The following OSR2 variants were observed in gnomAD, a reference collection of about 807,000 sequenced individuals.
The protein encoded by OSR2 is odd-skipped related transciption factor 2.
A neutral mutation model predicts 22.3 loss-of-function variants in OSR2; 8 were observed. That is an observed-to-expected ratio of 0.36 (90% confidence interval 0.21 to 0.65). The LOEUF is 0.65. Ranked by LOEUF, OSR2 falls within the 30% of genes least tolerant of loss-of-function variation. The pLI, the probability that OSR2 is intolerant of heterozygous loss-of-function variation, is 0.66. For missense variants in OSR2, 311 were observed against 413.4 expected (o/e 0.75, Z 2.15); for synonymous variants, 179 against 173.8 (o/e 1.03, Z -0.23).
chr8:98,950,496 T>C (rs1024896395), intron 2 of OSR2, among the ~76,000 whole-genome samples, 160 bp from the exon 3 acceptor site: 2 of 151,932 alleles, frequency 1.3e-5, no homozygotes, highest in Non-Finnish European at 2.9e-5. Context: ...TAGTTGAGAT[T>C]AACCATAAAG....
chr8:98,948,761 T>C lies in OSR2; in HGVS notation c.-114-78T>C. On this transcript the variant is annotated intron_variant, in intron 1 of 3. Transcript: ENST00000297565. The surrounding 1 kb of genome is among the most constrained non-coding windows in gnomAD (Gnocchi z 6.0). ...GGAGGGAGACTTAGGTGTGGTAACCTGCGCAGGTGCCAAAGGGCAGAAGGA... is the reference window on the plus strand; with the variant it reads ...GGAGGGAGACTTAGGTGTGGTAACCCGCGCAGGTGCCAAAGGGCAGAAGGA... 7.0e-7 allele frequency: 1 copy of C among 1,434,410 alleles called. No individual in the cohort carries two copies. The highest frequency in any genetic ancestry group is 9.2e-7 in the Non-Finnish European group (1 of 1,085,162). 88.9% of individuals were successfully genotyped at this position (1,434,410 alleles called of 1,614,324 possible).
At chr8:98,950,027 G>C (rs1041295914) in intron 2 of OSR2, among the ~76,000 whole-genome samples, 1 of 139,494 alleles carries the variant, frequency 7.2e-6, no homozygotes, top group Non-Finnish European at 1.5e-5. Flanking sequence ...AGAGCCTGCC[G>C]TGGGGACCTT....
At chr8:98,950,554 T>C in intron 2 of OSR2, 102 bp from the exon 3 acceptor site, 1 of 718,416 alleles carries the variant, frequency 1.4e-6, no homozygotes, top group South Asian at 1.9e-5. Flanking sequence ...ATGGAAATCT[T>C]GTTTCTTTTG....
chr8:98,948,479 TTGGGGAGGG>T lies in OSR2; in HGVS notation c.-114-355_-114-347del. 4.4e-6 allele frequency: 1 copy of T among 224,774 alleles called. No individual in the cohort carries two copies. Among genetic ancestry groups the T allele is most frequent in the Non-Finnish European group, 7.4e-6 (1 of 134,884 alleles). The allele number at this position is 224,774 out of a possible 1,614,324, so 13.9% of individuals were successfully genotyped here. On this transcript the variant is annotated intron_variant, in intron 1 of 3. Transcript: ENST00000297565. This position sits in a 1 kb window ranked among gnomAD's most constrained non-coding sequence, Gnocchi z 6.0. ...GTTGACTGAGCTTCGCCTAACAGGC[TTGGGGAGGG>T]TGGGCTGGGCTGGGCTGGGCTGGGC...
At position 98,949,491 on chromosome 8, in the gene OSR2, A is replaced by G. The variant is rs1299274049; in HGVS notation, c.539A>G (p.His180Arg). 3.7e-6 allele frequency: 6 copies of G among 1,613,928 alleles called. No homozygotes were observed. The highest frequency in any genetic ancestry group is 2.7e-5 in the African/African-American group (2 of 74,928). Residue 180 changes from histidine to arginine, a missense_variant, in exon 2 of 4, where the codon CAC becomes CGC. Physicochemically the swap from His to Arg is conservative, Grantham distance 29. Transcript: ENST00000297565. The surrounding 1 kb of genome is among the most constrained non-coding windows in gnomAD (Gnocchi z 5.9). ...TTTATCTGCAAGTTTTGCGGCAGAC[A>G]CTTTACCAAATCCTACAATTTGCTC... ...KEFICKFCGR[H>R]FTKSYNLLIH...
intron 2 of OSR2, among the ~76,000 whole-genome samples, chr8:98,950,147 G>C (rs1258133504): frequency 1.3e-5 from 2 of 152,252 alleles, no homozygotes; most frequent in Non-Finnish European, 2.9e-5. Context: ...ATTAATACAA[G>C]GCAATTGAAG....
Position 98,948,667 on chromosome 8 carries a change from G to A in OSR2, c.-114-172G>A. ...TCTGGCCCCGGGCTGATCTGCACGC[G>A]GACTTGAGCAGGTGCCAAGGTGCCA... On this transcript the variant is annotated intron_variant, in intron 1 of 3. Coordinates refer to ENST00000297565, the MANE Select transcript of OSR2 (RefSeq NM_001142462.3). This position sits in a 1 kb window ranked among gnomAD's most constrained non-coding sequence, Gnocchi z 6.0. The A allele has an allele frequency of 1.0e-6, 1 of 991,600 alleles. No individual in the cohort carries two copies. Among genetic ancestry groups the A allele is most frequent in the East Asian group, 2.6e-5 (1 of 37,844 alleles). 61.4% of individuals were successfully genotyped at this position (991,600 alleles called of 1,614,324 possible).
chr8:98,948,651 G>C lies in OSR2; in HGVS notation c.-114-188G>C. The C allele has an allele frequency of 1.0e-6, 1 of 961,640 alleles. No homozygotes were observed. The allele number at this position is 961,640 out of a possible 1,614,324, so 59.6% of individuals were successfully genotyped here. The stretch of plus-strand genomic sequence containing the variant: ...GTGGAGCACTTCTTGTTCTGGCCCC[G>C]GGCTGATCTGCACGCGGACTTGAGC... On this transcript the variant is annotated intron_variant, in intron 1 of 3. Transcript: ENST00000297565. The surrounding 1 kb of genome is among the most constrained non-coding windows in gnomAD (Gnocchi z 6.0).
At chr8:98,950,137 A>G (rs1840739411) in intron 2 of OSR2, among the ~76,000 whole-genome samples, 1 of 152,170 alleles carries the variant, frequency 6.6e-6, no homozygotes, top group Non-Finnish European at 1.5e-5. Context: ...TAAACTCTGC[A>G]TTAATACAAG....
In OSR2 at chr8:98,951,533, A is replaced by T. The variant is rs1174256688; in HGVS notation, c.771A>T (p.Lys257Asn). Residue 257 changes from lysine to asparagine, a missense_variant, in exon 4 of 4, where the codon AAA becomes AAT. Physicochemically the swap from Lys to Asn is moderately conservative, Grantham distance 94 (BLOSUM62 0). Transcript: ENST00000297565. ...KTLHMQESPH[K>N]CPTCGRTFNQ... ...CATCTGAACAGGAATCTCCACACAA[A>T]TGTCCCACATGTGGAAGAACCTTTA... 6.3e-7 allele frequency: 1 copy of T among 1,591,566 alleles called. No homozygotes were observed. Among genetic ancestry groups the T allele is most frequent in the African/African-American group, 1.3e-5 (1 of 74,472 alleles).
At chr8:98,950,801 C>T in intron 3 of OSR2, 46 bp downstream of exon 3, 1 of 1,272,604 alleles carries the variant, frequency 7.9e-7, no homozygotes, top group South Asian at 1.2e-5. Context: ...TTCGTGTTAT[C>T]ATTACTGCTT....
In OSR2 at chr8:98,948,528, C is replaced by T; in HGVS notation, c.-114-311C>T. The T allele has an allele frequency of 7.4e-6, 10 of 1,354,206 alleles. 1 individual carries two copies. The South Asian group carries it at 1.6e-4, about 21-fold the overall frequency. The allele number at this position is 1,354,206 out of a possible 1,614,324, so 83.9% of individuals were successfully genotyped here. A position where few individuals can be genotyped will look rare whatever the true frequency, so the allele number is the denominator to read the frequency against. ...CTGGGCTGGGCTGGGTGCTGCCCGGCTGTCCGCCTTTCGTTTTCCTGGGAC... is the reference window on the plus strand; with the variant it reads ...CTGGGCTGGGCTGGGTGCTGCCCGGTTGTCCGCCTTTCGTTTTCCTGGGAC... On this transcript the variant is annotated intron_variant, in intron 1 of 3. Transcript: ENST00000297565. The surrounding 1 kb of genome is among the most constrained non-coding windows in gnomAD (Gnocchi z 6.0).
chr8:98,948,194 G>A lies in OSR2; in HGVS notation c.-114-645G>A. 1 of 1,413,164 alleles carries A rather than the reference G, an allele frequency of 7.1e-7. No homozygotes were observed. The highest frequency in any genetic ancestry group is 9.2e-7 in the Non-Finnish European group (1 of 1,087,084). The allele number at this position is 1,413,164 out of a possible 1,614,324, so 87.5% of individuals were successfully genotyped here. ...ATAGATGGGGCTGAGGGCAGAGGAA[G>A]GAAAAAGAAAACCTCCGAGGTCAGT... is the stretch of plus-strand genomic sequence containing the variant. On this transcript the variant is annotated intron_variant, in intron 1 of 3. Coordinates refer to ENST00000297565, the MANE Select transcript of OSR2 (RefSeq NM_001142462.3). This position sits in a 1 kb window ranked among gnomAD's most constrained non-coding sequence, Gnocchi z 6.0.
rs1840722567 is a variant in OSR2, at chr8:98,949,500, A to C, written c.548A>C (p.Lys183Thr). 1 of 1,613,944 alleles carries C rather than the reference A, an allele frequency of 6.2e-7. No homozygotes were observed. Among genetic ancestry groups the C allele is most frequent in the African/African-American group, 1.3e-5 (1 of 74,928 alleles). ...ICKFCGRHFT[K>T]SYNLLIHERT... is the part of the protein sequence containing the mutation. ...AAGTTTTGCGGCAGACACTTTACCA[A>C]ATCCTACAATTTGCTCATCCATGAG... The change falls in exon 2 of 4, where the codon AAA (lysine) becomes ACA (threonine). Residue 183 changes from lysine (K) to threonine (T), a missense_variant. Lys to Thr is a moderately conservative substitution (Grantham distance 78). Coordinates refer to ENST00000297565, the MANE Select transcript of OSR2 (RefSeq NM_001142462.3). The surrounding 1 kb of genome is among the most constrained non-coding windows in gnomAD (Gnocchi z 5.9).
intron 3 of OSR2, 123 bp downstream of exon 3, chr8:98,950,878 G>A (rs1840763400): frequency 2.8e-6 from 2 of 703,418 alleles, no homozygotes; most frequent in East Asian, 5.4e-5. Context: ...TCTCTAGGTG[G>A]GGAAAAGCAA....
chr8:98,948,128 C>T lies in OSR2; in HGVS notation c.-114-711C>T, dbSNP rs1840664169. The stretch of plus-strand genomic sequence containing the variant: ...GGGCGATTCTAGGCCGAATCCAGCC[C>T]CTGAGGTGTCACTTTTCTTTCCTGC... On this transcript the variant is annotated intron_variant, in intron 1 of 3. Transcript: ENST00000297565. This position sits in a 1 kb window ranked among gnomAD's most constrained non-coding sequence, Gnocchi z 6.0. 4 of 1,385,072 alleles carry T rather than the reference C, an allele frequency of 2.9e-6. No homozygotes were observed. The East Asian group carries it at 1.2e-4, about 40-fold the overall frequency. 85.8% of individuals were successfully genotyped at this position (1,385,072 alleles called of 1,614,324 possible).
chr8:98,948,808 G>A lies in OSR2; in HGVS notation c.-114-31G>A, dbSNP rs770013159. On this transcript the variant is annotated intron_variant, in intron 1 of 3. Coordinates refer to ENST00000297565, the MANE Select transcript of OSR2 (RefSeq NM_001142462.3). The surrounding 1 kb of genome is among the most constrained non-coding windows in gnomAD (Gnocchi z 6.0). ...AGGAGCAGCCTTGGATTATAGTCAC[G>A]GTCTCTCCCTCTCTTCCCTGCCATT... The A allele has an allele frequency of 6.6e-5, 100 of 1,521,694 alleles. 1 individual carries two copies. In the South Asian group the frequency reaches 8.1e-4, roughly 12 times the overall value. The allele number at this position is 1,521,694 out of a possible 1,614,324, so 94.3% of individuals were successfully genotyped here.
rs750568757 is a variant in OSR2, at chr8:98,948,275, C to G, written c.-114-564C>G. The G allele has an allele frequency of 1.7e-5, 26 of 1,514,066 alleles. No homozygotes were observed. The highest frequency in any genetic ancestry group is 5.0e-5 in the East Asian group (2 of 40,040). 93.8% of individuals were successfully genotyped at this position (1,514,066 alleles called of 1,614,324 possible). ...TCTGGCCCAGGAGGATGAAGCGCGC[C>G]GGCTTCGCTCTTGCACGCCGGCTTG... On this transcript the variant is annotated intron_variant, in intron 1 of 3. Coordinates refer to ENST00000297565, the MANE Select transcript of OSR2 (RefSeq NM_001142462.3). This position sits in a 1 kb window ranked among gnomAD's most constrained non-coding sequence, Gnocchi z 6.0.
intron 2 of OSR2, among the ~76,000 whole-genome samples, chr8:98,950,111 C>T (rs1172101573): frequency 6.6e-6 from 1 of 152,080 alleles, no homozygotes; most frequent in East Asian, 1.9e-4. Context: ...CAGCTCCCAC[C>T]TCCCTTCCGC....
Sources: allele counts gnomAD v4.1 joint callset (sites outside exome capture counted in the v4.1 genomes callset), GRCh38; gene constraint gnomAD v4.1.1; non-coding constraint Gnocchi (gnomAD v3.1); transcripts MANE v1.5; gene names NCBI Gene and HGNC (gene_info 2026-07-23, HGNC 2026-07-21).